The following TP53INP2 variants were observed in gnomAD, a reference collection of about 807,000 sequenced individuals.
TP53INP2 encodes tumor protein p53-inducible nuclear protein 2.
In TP53INP2, 12 loss-of-function variants were observed where a neutral mutation model predicts 17.1. The ratio of observed to expected loss-of-function variants is 0.70; its 90% CI spans 0.45 to 1.14. The LOEUF (loss-of-function observed/expected upper bound fraction) is 1.14. Among genes scored for constraint, TP53INP2 ranks in the 50% most tolerant of loss-of-function variants. TP53INP2 has a pLI of 0.00. For missense variants in TP53INP2, 342 were observed against 330.9 expected (o/e 1.03, Z -0.26); for synonymous variants, 145 against 147.3 (o/e 0.98, Z 0.12).
At position 34,708,674 on chromosome 20, in the gene TP53INP2, G is replaced by A. The variant is rs146459117; in HGVS notation, c.-49-17G>A. 6.6e-6 allele frequency: 10 copies of A among 1,511,072 alleles called. No individual in the cohort carries two copies. The highest frequency in any genetic ancestry group is 4.9e-5 in the East Asian group (2 of 40,876). The allele number at this position is 1,511,072 out of a possible 1,614,324, so 93.6% of individuals were successfully genotyped here. On this transcript the variant is annotated splice_polypyrimidine_tract_variant and intron_variant, in intron 2 of 4. Transcript: ENST00000374810. Reference sequence around the variant, plus strand: ...AACCTCAATCAGTGGTGGCTCTCACGTCCTTCTGATTCCCAGGTTTTTGCA... The same window carrying A: ...AACCTCAATCAGTGGTGGCTCTCACATCCTTCTGATTCCCAGGTTTTTGCA...
intron 2 of TP53INP2, among the ~76,000 whole-genome samples, chr20:34,707,172 A>G (rs758498778): frequency 6.6e-6 from 1 of 151,996 alleles, no homozygotes; most frequent in African/African-American, 2.4e-5. Context: ...TCCCTTCATC[A>G]TCACCTCCCA....
rs915253160 is a variant in TP53INP2, at chr20:34,712,467, C to T, written c.*2160C>T. On this transcript the variant is annotated 3_prime_UTR_variant, in exon 5 of 5. Transcript: ENST00000374810. ...ACCCAATCTCTCACCTGCTTGGTTG[C>T]AAGGCTCATATTTTTTTGTACCTTT... 3 of 152,598 alleles carry T rather than the reference C, an allele frequency of 2.0e-5. No homozygotes were observed. The highest frequency in any genetic ancestry group is 7.2e-5 in the African/African-American group (3 of 41,438). The allele number at this position is 152,598 out of a possible 1,614,324, so 9.5% of individuals were successfully genotyped here. A position where few individuals can be genotyped will look rare whatever the true frequency, so the allele number is the denominator to read the frequency against.
Position 34,709,573 on chromosome 20 carries a change from G to A in TP53INP2, c.413+49G>A, listed in dbSNP as rs755173759. On this transcript the variant is annotated intron_variant, in intron 4 of 4. Transcript: ENST00000374810. The surrounding 1 kb of genome is among the most constrained non-coding windows in gnomAD (Gnocchi z 5.4). The stretch of plus-strand genomic sequence containing the variant: ...TGGAGGCCCAGGGAGACGGATCTTG[G>A]AGGCCAGGGTCCAGGCTAGGAGGCT... 1.2e-5 allele frequency: 19 copies of A among 1,558,956 alleles called. No individual in the cohort carries two copies. The East Asian group carries it at 4.1e-4, about 34-fold the overall frequency.
chr20:34,706,271 G>A (rs1305895795), intron 2 of TP53INP2, among the ~76,000 whole-genome samples: 5 of 152,144 alleles, frequency 3.3e-5, no homozygotes, highest in African/African-American at 4.8e-5. Flanking sequence ...GCACAGTAAC[G>A]TGGGACTAGG....
Position 34,709,176 on chromosome 20 carries a change from TGTG to T in TP53INP2, c.125-59_125-57del. 6.7e-7 allele frequency: 1 copy of T among 1,491,878 alleles called. No individual in the cohort carries two copies. The highest frequency in any genetic ancestry group is 8.9e-7 in the Non-Finnish European group (1 of 1,120,612). 92.4% of individuals were successfully genotyped at this position (1,491,878 alleles called of 1,614,324 possible). On this transcript the variant is annotated intron_variant, in intron 3 of 4. Coordinates refer to ENST00000374810, the MANE Select transcript of TP53INP2 (RefSeq NM_021202.3). This position sits in a 1 kb window ranked among gnomAD's most constrained non-coding sequence, Gnocchi z 5.4. ...CCCTTGTCCGGTGTGTGTGTGTGTG[TGTG>T]TGTGTGCCTCCTCGCTGCTCCCCTC...
At position 34,709,617 on chromosome 20, in the gene TP53INP2, G is replaced by A. The variant is rs896699159; in HGVS notation, c.413+93G>A. On this transcript the variant is annotated intron_variant, in intron 4 of 4. Coordinates refer to ENST00000374810, the MANE Select transcript of TP53INP2 (RefSeq NM_021202.3). The surrounding 1 kb of genome is among the most constrained non-coding windows in gnomAD (Gnocchi z 5.4). ...GGAGGCTGGGGTAGTGGGGCCAGGA[G>A]CCCGCCCCGCGCTCGAGGGGGTAGC... 6 of 1,456,284 alleles carry A rather than the reference G, an allele frequency of 4.1e-6. No individual in the cohort carries two copies. The Admixed American group carries it at 1.6e-4, about 39-fold the overall frequency. 90.2% of individuals were successfully genotyped at this position (1,456,284 alleles called of 1,614,324 possible).
chr20:34,704,560 G>GC (rs1207011430), intron 1 of TP53INP2, 48 bp downstream of exon 1: 1 of 152,104 alleles, frequency 6.6e-6, no homozygotes, highest in African/African-American at 2.4e-5. Flanking sequence ...CCACGGACAC[G>GC]CCCTGCGCCC....
At position 34,713,331 on chromosome 20, in the gene TP53INP2, G is replaced by A. The variant is rs1988260627; in HGVS notation, c.*3024G>A. 1 of 152,612 alleles carries A rather than the reference G, an allele frequency of 6.6e-6. No homozygotes were observed. Among genetic ancestry groups the A allele is most frequent in the Admixed American group, 6.5e-5 (1 of 15,282 alleles). The allele number at this position is 152,612 out of a possible 1,614,324, so 9.5% of individuals were successfully genotyped here. ...CTCAACTGGGTCATGTGGCATGCCT[G>A]TGTATGTGTGTAACAGAATTCTGAT... On this transcript the variant is annotated 3_prime_UTR_variant, in exon 5 of 5. Transcript: ENST00000374810.
At position 34,708,697 on chromosome 20, in the gene TP53INP2, G is replaced by T; in HGVS notation, c.-43G>T. Reference sequence around the variant, plus strand: ...ACGTCCTTCTGATTCCCAGGTTTTTGCACTGCCATAGGGCGCCCCCGTGAG... The same window carrying T: ...ACGTCCTTCTGATTCCCAGGTTTTTTCACTGCCATAGGGCGCCCCCGTGAG... On this transcript the variant is annotated 5_prime_UTR_variant, in exon 3 of 5. Transcript: ENST00000374810. 3 of 1,544,476 alleles carry T rather than the reference G, an allele frequency of 1.9e-6. No homozygotes were observed. The highest frequency in any genetic ancestry group is 2.6e-6 in the Non-Finnish European group (3 of 1,147,996).
At chr20:34,708,085 C>T (rs1020459568) in intron 2 of TP53INP2, among the ~76,000 whole-genome samples, 1 of 152,122 alleles carries the variant, frequency 6.6e-6, no homozygotes, top group Non-Finnish European at 1.5e-5. Context: ...TGATAACAAG[C>T]AGACAATATG....
chr20:34,708,091 A>C (rs1988041817), intron 2 of TP53INP2, among the ~76,000 whole-genome samples: 1 of 152,162 alleles, frequency 6.6e-6, no homozygotes, highest in South Asian at 2.1e-4. Flanking sequence ...CAAGCAGACA[A>C]TATGGGCAAT....
At chr20:34,707,347 A>G (rs1465928239) in intron 2 of TP53INP2, among the ~76,000 whole-genome samples, 1 of 152,140 alleles carries the variant, frequency 6.6e-6, no homozygotes, top group Non-Finnish European at 1.5e-5. Context: ...GCCAAATCAC[A>G]TGGTAAGATG....
At chr20:34,706,139 A>G (rs1388387295) in intron 2 of TP53INP2, among the ~76,000 whole-genome samples, 2 of 152,138 alleles carry the variant, frequency 1.3e-5, no homozygotes, top group Admixed American at 1.3e-4. Context: ...ACCCTTTTGT[A>G]GCTAGGCGAG....
chr20:34,706,294 C>A (rs1391055877), intron 2 of TP53INP2, among the ~76,000 whole-genome samples: 1 of 152,214 alleles, frequency 6.6e-6, no homozygotes, highest in Non-Finnish European at 1.5e-5. Flanking sequence ...TGCCCTGCCA[C>A]TATCTAGCCA....
chr20:34,705,497 G>T (rs1475674608), intron 2 of TP53INP2, 23 bp downstream of exon 2: 2 of 152,424 alleles, frequency 1.3e-5, no homozygotes, highest in East Asian at 1.9e-4. Flanking sequence ...CTGCCTCGGG[G>T]TGTCTCCAGG....
chr20:34,707,276 G>C (rs569322406), intron 2 of TP53INP2, among the ~76,000 whole-genome samples: 5 of 152,164 alleles, frequency 3.3e-5, no homozygotes, highest in African/African-American at 9.7e-5. Context: ...GGGGGTCAGA[G>C]GGGGGAGGGC....
rs886764515 is a variant in TP53INP2, at chr20:34,710,624, C to A, written c.*317C>A. The A allele has an allele frequency of 1.5e-5, 4 of 266,054 alleles. No individual in the cohort carries two copies. The highest frequency in any genetic ancestry group is 2.8e-5 in the Non-Finnish European group (4 of 141,592). The allele number at this position is 266,054 out of a possible 1,614,324, so 16.5% of individuals were successfully genotyped here. ...TTCACCCTTGCCCTCCAGTCCTCTACCTCTGGCCTGCCCCTATTTCTGAAA... is the reference window on the plus strand; with the variant it reads ...TTCACCCTTGCCCTCCAGTCCTCTAACTCTGGCCTGCCCCTATTTCTGAAA... On this transcript the variant is annotated 3_prime_UTR_variant, in exon 5 of 5. Transcript: ENST00000374810. This position sits in a 1 kb window ranked among gnomAD's most constrained non-coding sequence, Gnocchi z 4.9.
chr20:34,710,174 A>G lies in TP53INP2; in HGVS notation c.530A>G (p.Gln177Arg). ...GQVRRLQRAR[Q>R]RAERHALSAK... ...GTGCGGCGGCTGCAGCGGGCCCGGC[A>G]GCGGGCAGAGCGCCACGCGCTGAGC... Residue 177 changes from glutamine (Q) to arginine (R), a missense_variant, in exon 5 of 5, where the codon CAG (glutamine) becomes CGG (arginine). By Grantham distance (43) the Gln-to-Arg change is conservative (BLOSUM62 1). Transcript: ENST00000374810. The surrounding 1 kb of genome is among the most constrained non-coding windows in gnomAD (Gnocchi z 4.9). The G allele has an allele frequency of 7.5e-7, 1 of 1,339,356 alleles. No individual in the cohort carries two copies. Among genetic ancestry groups the G allele is most frequent in the Non-Finnish European group, 9.6e-7 (1 of 1,036,642 alleles). 83.0% of individuals were successfully genotyped at this position (1,339,356 alleles called of 1,614,324 possible). A position where few individuals can be genotyped will look rare whatever the true frequency, so the allele number is the denominator to read the frequency against.
intron 2 of TP53INP2, among the ~76,000 whole-genome samples, chr20:34,708,041 G>A (rs189097858): frequency 2.0e-5 from 3 of 152,272 alleles, no homozygotes; most frequent in Admixed American, 1.3e-4. Context: ...GATTACAGGC[G>A]TGAGCCACTG....
Sources: allele counts gnomAD v4.1 joint callset (sites outside exome capture counted in the v4.1 genomes callset), GRCh38; gene constraint gnomAD v4.1.1; non-coding constraint Gnocchi (gnomAD v3.1); transcripts MANE v1.5; gene names NCBI Gene and HGNC (gene_info 2026-07-23, HGNC 2026-07-21).